The following CADPS2 variants were observed in gnomAD, a reference collection of about 807,000 sequenced individuals.
CADPS2 encodes the protein calcium-dependent secretion activator 2.
Under a neutral mutation model 172.5 loss-of-function variants are expected in CADPS2, and 93 were observed. That is an observed-to-expected ratio of 0.54 (90% CI 0.46 to 0.64). The LOEUF is 0.64. Ranked by LOEUF, CADPS2 falls within the 30% of genes least tolerant of loss-of-function variation. The probability of loss-of-function intolerance (pLI) is 0.00; values close to 1 mark genes in which losing one functional copy is unlikely to be tolerated. For synonymous variants in CADPS2, 546 were observed against 555.2 expected (o/e 0.98, Z 0.23); for missense variants, 1,420 against 1,565.9 (o/e 0.91, Z 1.57).
intron 14 of CADPS2, among the ~76,000 whole-genome samples, chr7:122,461,245 C>T (rs369777214): frequency 1.1e-4 from 17 of 152,116 alleles, no homozygotes; most frequent in African/African-American, 4.1e-4. Context: ...AGATAAAATG[C>T]CTAGTACATG....
At chr7:122,684,562 T>G (rs568994985) in intron 2 of CADPS2, among the ~76,000 whole-genome samples, 1 of 152,278 alleles carries the variant, frequency 6.6e-6, no homozygotes, top group Non-Finnish European at 1.5e-5. Context: ...CATTTTAGAA[T>G]AAGTCAAACA....
chr7:122,783,190 C>T (rs1312197289), intron 1 of CADPS2, among the ~76,000 whole-genome samples: 8 of 141,012 alleles, frequency 5.7e-5, no homozygotes, highest in Non-Finnish European at 1.2e-4. Context: ...GAGACTCCAT[C>T]TCAAAAAAAA....
chr7:122,552,372 G>A (rs1407839786), intron 8 of CADPS2, among the ~76,000 whole-genome samples: 3 of 152,080 alleles, frequency 2.0e-5, no homozygotes, highest in African/African-American at 7.2e-5. Context: ...GGCATTTCTG[G>A]TCCGTGTCCT....
chr7:122,393,102 C>A, intron 22 of CADPS2, 94 bp downstream of exon 22: 6 of 1,351,862 alleles, frequency 4.4e-6, no homozygotes, highest in South Asian at 3.3e-5. Context: ...CCAACGATGA[C>A]AAATGCCATG....
In CADPS2 at chr7:122,388,714, G is replaced by T; in HGVS notation, c.3033C>A (p.Asp1011Glu). 1 of 1,607,992 alleles carries T rather than the reference G, an allele frequency of 6.2e-7. No homozygotes were observed. Among genetic ancestry groups the T allele is most frequent in the Non-Finnish European group, 8.5e-7 (1 of 1,176,242 alleles). Residue 1011 changes from aspartate to glutamate, a missense_variant, in exon 23 of 30, where the codon GAC (aspartate) becomes GAA (glutamate). By Grantham distance (45) the Asp-to-Glu change is conservative. Coordinates refer to ENST00000449022, the MANE Select transcript of CADPS2 (RefSeq NM_017954.11). ...ESTNGSATSE[D>E]LFWKLDALQM... ...GCAGTGCATCAAGCTTCCAAAAAAGGTCTTCTGATGTTGCTGAGCCATTGC... is the reference window on the plus strand; with the variant it reads ...GCAGTGCATCAAGCTTCCAAAAAAGTTCTTCTGATGTTGCTGAGCCATTGC...
At chr7:122,885,097 T>G (rs1823978476) in intron 1 of CADPS2, among the ~76,000 whole-genome samples, 2 of 152,324 alleles carry the variant, frequency 1.3e-5, no homozygotes, top group Admixed American at 6.5e-5. Flanking sequence ...TTCAGCATTC[T>G]ATTAAAAAGA....
At chr7:122,358,721 C>T (rs549558390) in intron 27 of CADPS2, among the ~76,000 whole-genome samples, 3 of 152,144 alleles carry the variant, frequency 2.0e-5, no homozygotes, top group East Asian at 3.9e-4. Flanking sequence ...AAAAGAATAA[C>T]GGCCAACAAG....
chr7:122,631,364 C>T (rs777185948), intron 3 of CADPS2, among the ~76,000 whole-genome samples: 2 of 152,148 alleles, frequency 1.3e-5, no homozygotes, highest in Non-Finnish European at 2.9e-5. Flanking sequence ...ATTAACAGCT[C>T]TTACTTAAGT....
chr7:122,566,725 A>G (rs997598557), intron 7 of CADPS2, among the ~76,000 whole-genome samples: 11 of 152,210 alleles, frequency 7.2e-5, no homozygotes, highest in African/African-American at 2.7e-4. Flanking sequence ...ACATTATTCT[A>G]TAATTGTTGT....
chr7:122,543,266 C>T (rs974359855), intron 8 of CADPS2, among the ~76,000 whole-genome samples: 10 of 152,034 alleles, frequency 6.6e-5, no homozygotes, highest in Non-Finnish European at 1.5e-4. Context: ...CCAGCTTAAA[C>T]TGTTTTCAAT....
At chr7:122,473,797 C>A (rs764951941) in intron 13 of CADPS2, among the ~76,000 whole-genome samples, 68 of 152,174 alleles carry the variant, frequency 4.5e-4, no homozygotes, top group Non-Finnish European at 8.7e-4. Flanking sequence ...ACAATTTCAA[C>A]ACATACCAGG....
chr7:122,712,910 T>G (rs2088986690), intron 2 of CADPS2, among the ~76,000 whole-genome samples: 1 of 151,984 alleles, frequency 6.6e-6, no homozygotes, highest in Non-Finnish European at 1.5e-5. Flanking sequence ...CATGAGCTAA[T>G]CACCTCCCAA....
chr7:122,624,742 C>G (rs892848057), intron 4 of CADPS2, among the ~76,000 whole-genome samples: 1 of 152,166 alleles, frequency 6.6e-6, no homozygotes, highest in Non-Finnish European at 1.5e-5. Flanking sequence ...CCCCAGATTT[C>G]TCACAAATAT....
chr7:122,614,008 GGTTAA>G (rs1335462294), intron 6 of CADPS2, among the ~76,000 whole-genome samples: 3 of 151,990 alleles, frequency 2.0e-5, no homozygotes, highest in South Asian at 2.1e-4. Context: ...TCTCAGTGAT[GGTTAA>G]GTTGAGATTC....
chr7:122,399,502 T>C (rs1332250163), intron 20 of CADPS2, among the ~76,000 whole-genome samples: 1 of 151,974 alleles, frequency 6.6e-6, no homozygotes, highest in Non-Finnish European at 1.5e-5. Flanking sequence ...TTAAATGAAA[T>C]TATGTAATAT....
At chr7:122,716,378 C>T (rs909019024) in intron 2 of CADPS2, among the ~76,000 whole-genome samples, 3 of 152,122 alleles carry the variant, frequency 2.0e-5, no homozygotes, top group Non-Finnish European at 4.4e-5. Flanking sequence ...GCTACCATCA[C>T]TACCAAAAAG....
chr7:122,709,693 A>G (rs1056601410), intron 2 of CADPS2, among the ~76,000 whole-genome samples: 1 of 152,120 alleles, frequency 6.6e-6, no homozygotes, highest in East Asian at 1.9e-4. Context: ...GTAAGAAAAT[A>G]TGGCATATAT....
chr7:122,554,078 C>T (rs1489263994), intron 8 of CADPS2, among the ~76,000 whole-genome samples: 1 of 152,100 alleles, frequency 6.6e-6, no homozygotes, highest in Non-Finnish European at 1.5e-5. Flanking sequence ...ATTCAATTCT[C>T]ACTCACATGT....
chr7:122,832,434 G>T (rs1347736470), intron 1 of CADPS2, among the ~76,000 whole-genome samples: 1 of 152,188 alleles, frequency 6.6e-6, no homozygotes, highest in Non-Finnish European at 1.5e-5. Context: ...AAAATGTGGT[G>T]ACATTCAAAA....
Sources: allele counts gnomAD v4.1 joint callset (sites outside exome capture counted in the v4.1 genomes callset), GRCh38; gene constraint gnomAD v4.1.1; transcripts MANE v1.5; gene names NCBI Gene and HGNC (gene_info 2026-07-23, HGNC 2026-07-21).